Variants in BPTF observed in about 807,000 individuals in gnomAD.
BPTF encodes the protein nucleosome-remodeling factor subunit BPTF.
BPTF carries 18 observed loss-of-function variants against 292.5 expected under a neutral mutation model. The observed-to-expected ratio is 0.06, with a 90% CI of 0.04 to 0.09. BPTF has a LOEUF of 0.09. Among genes scored for constraint, BPTF ranks in the 10% least tolerant of loss-of-function variants. BPTF has a pLI of 1.00. For synonymous variants in BPTF, 1,225 were observed against 1,251.9 expected, an observed-to-expected ratio of 0.98 and a Z score of 0.45; for missense variants, 2,726 against 3,498.7, an observed-to-expected ratio of 0.78 and a Z score of 5.57.
At chr17:67,945,192 T>A (rs1390360618) in intron 20 of BPTF, among the ~76,000 whole-genome samples, 1 of 152,076 alleles carries the variant, frequency 6.6e-6, no homozygotes, top group Non-Finnish European at 1.5e-5. Context: ...TGCTCCACTA[T>A]GCTCAGATAA....
At chr17:67,897,273 G>A (rs1213532686) in intron 7 of BPTF, among the ~76,000 whole-genome samples, 5 of 148,842 alleles carry the variant, frequency 3.4e-5, no homozygotes, top group Admixed American at 6.7e-5. Context: ...CCCGGGAGGC[G>A]GAGGTTGCGG....
At chr17:67,940,742 C>T (rs562213875) in intron 19 of BPTF, 86 bp downstream of exon 19, 193 of 1,393,182 alleles carry the variant, frequency 1.4e-4, no homozygotes, top group Middle Eastern at 7.2e-4. Flanking sequence ...TATTTTGATA[C>T]GTTTTTAAAT....
rs1555697350 is a variant in BPTF at position 67,982,601 on chromosome 17, G to A, written c.*313G>A. ...AAAAAAAGATACTATGGGGTCAAGT[G>A]TAACTCCATGGAAATGCCACGTCTG... On this transcript the variant is annotated 3_prime_UTR_variant, in exon 28 of 28. Coordinates refer to ENST00000306378, the MANE Select transcript of BPTF (RefSeq NM_182641.4). 1 of 229,226 alleles carries A rather than the reference G, an allele frequency of 4.4e-6. No individual in the cohort carries two copies. Among genetic ancestry groups the A allele is most frequent in the Non-Finnish European group, 8.5e-6 (1 of 117,880 alleles). The allele number at this position is 229,226 out of a possible 1,614,324, so 14.2% of individuals were successfully genotyped here.
intron 1 of BPTF, among the ~76,000 whole-genome samples, chr17:67,829,108 GTTT>G (rs1456000960): frequency 7.2e-5 from 10 of 139,836 alleles, no homozygotes; most frequent in Non-Finnish European, 1.1e-4. Context: ...TTTTGTTTTT[GTTT>G]TTTGTTGTTG....
intron 26 of BPTF, among the ~76,000 whole-genome samples, chr17:67,967,320 T>G (rs1270157032): frequency 1.3e-5 from 2 of 150,446 alleles, no homozygotes; most frequent in Non-Finnish European, 3.0e-5. Context: ...TTTTATATTT[T>G]TTGTAGAGAC....
At chr17:67,875,916 C>T (rs568095080) in intron 4 of BPTF, among the ~76,000 whole-genome samples, 1 of 152,308 alleles carries the variant, frequency 6.6e-6, no homozygotes, top group Admixed American at 6.5e-5. Context: ...GATAAATGTC[C>T]TCGCAGTTAG....
At chr17:67,936,305 C>T (rs2064910841) in intron 18 of BPTF, among the ~76,000 whole-genome samples, 2 of 152,092 alleles carry the variant, frequency 1.3e-5, no homozygotes, top group South Asian at 4.1e-4. Flanking sequence ...GCTGCAGGAA[C>T]AATTGATAAG....
At chr17:67,884,485 G>A (rs371743743) in intron 4 of BPTF, among the ~76,000 whole-genome samples, 4 of 151,610 alleles carry the variant, frequency 2.6e-5, no homozygotes, top group Non-Finnish European at 4.4e-5. Flanking sequence ...GCGCAATCAC[G>A]GCTCACTGCA....
chr17:67,940,724 C>T (rs2065294380), intron 19 of BPTF, 68 bp downstream of exon 19: 1 of 1,487,312 alleles, frequency 6.7e-7, no homozygotes, highest in Non-Finnish European at 9.2e-7. Flanking sequence ...AGTTTAAAAA[C>T]ATGAACTTAT....
At chr17:67,902,246 A>T (rs1281360275) in intron 7 of BPTF, among the ~76,000 whole-genome samples, 5 of 152,154 alleles carry the variant, frequency 3.3e-5, no homozygotes, top group Non-Finnish European at 5.9e-5. Flanking sequence ...CACTGCGCTG[A>T]AGTCCTTCAG....
At position 67,963,185 on chromosome 17, in the gene BPTF, G is replaced by A. The variant is rs1196230777; in HGVS notation, c.8262-1027G>A. 4.2e-6 allele frequency: 4 copies of A among 962,386 alleles called. No homozygotes were observed. The African/African-American group carries it at 5.0e-5, about 12-fold the overall frequency. 59.6% of individuals were successfully genotyped at this position (962,386 alleles called of 1,614,324 possible). A position where few individuals can be genotyped will look rare whatever the true frequency, so the allele number is the denominator to read the frequency against. On this transcript the variant is annotated intron_variant, in intron 24 of 27. Coordinates refer to ENST00000306378, the MANE Select transcript of BPTF (RefSeq NM_182641.4). ...CATCAGATACTGGAGTTTGCCAGGA[G>A]TAGAATGGTTGGATTCAGAAATGTT...
chr17:67,923,920 T>C (rs1271321026), intron 14 of BPTF, among the ~76,000 whole-genome samples: 1 of 152,076 alleles, frequency 6.6e-6, no homozygotes, highest in African/African-American at 2.4e-5. Context: ...CGATCTTGGC[T>C]TACTGCAACC....
intron 18 of BPTF, among the ~76,000 whole-genome samples, chr17:67,939,832 A>T (rs1399067781): frequency 6.6e-6 from 1 of 152,176 alleles, no homozygotes; most frequent in African/African-American, 2.4e-5. Flanking sequence ...GTGAGCCAAG[A>T]TCACGCCACC....
intron 19 of BPTF, among the ~76,000 whole-genome samples, chr17:67,943,850 T>C (rs1555673062): frequency 6.6e-6 from 1 of 152,204 alleles, no homozygotes; most frequent in African/African-American, 2.4e-5. Context: ...GGACTTTAGT[T>C]ATTCAATACC....
chr17:67,927,902 T>A (rs2147410309), intron 15 of BPTF, among the ~76,000 whole-genome samples: 1 of 152,192 alleles, frequency 6.6e-6, no homozygotes. Flanking sequence ...TTTTTTTTTT[T>A]AGAGATGGAG....
intron 25 of BPTF, chr17:67,964,997 G>GC: frequency 2.8e-4 from 1 of 3,514 alleles, no homozygotes; most frequent in Non-Finnish European, 5.9e-4. Flanking sequence ...AGACTCCATC[G>GC]CAAAAAAAAA....
At chr17:67,929,786 C>T (rs796218847) in intron 17 of BPTF, among the ~76,000 whole-genome samples, 8 of 152,170 alleles carry the variant, frequency 5.3e-5, no homozygotes, top group East Asian at 1.9e-4. Flanking sequence ...AGACCACCCA[C>T]GGAAGTGTGC....
intron 13 of BPTF, 71 bp downstream of exon 13, chr17:67,920,214 T>C (rs2063340818): frequency 6.6e-7 from 1 of 1,510,128 alleles, no homozygotes; most frequent in African/African-American, 1.4e-5. Context: ...AAATTTGATA[T>C]AATTTTTTCT....
intron 4 of BPTF, among the ~76,000 whole-genome samples, chr17:67,889,786 C>T (rs1262567200): frequency 3.3e-5 from 5 of 151,978 alleles, no homozygotes; most frequent in East Asian, 3.9e-4. Flanking sequence ...CCAGCCTGGG[C>T]GACAAGAGCG....
Sources: allele counts gnomAD v4.1 joint callset (sites outside exome capture counted in the v4.1 genomes callset), GRCh38; gene constraint gnomAD v4.1.1; transcripts MANE v1.5; gene names NCBI Gene and HGNC (gene_info 2026-07-23, HGNC 2026-07-21).